Variants in DCST2 observed in about 807,000 individuals in gnomAD.
The protein encoded by DCST2 is DC-STAMP domain-containing protein 2.
Under a neutral mutation model 81.8 loss-of-function variants are expected in DCST2, and 64 were observed. That is an observed-to-expected ratio of 0.78 (90% confidence interval 0.64 to 0.96). DCST2 has a LOEUF of 0.96. Among genes scored for constraint, DCST2 ranks in the 40% least tolerant of loss-of-function variants. The pLI is 0.00. For synonymous variants in DCST2, 354 were observed against 402.6 expected (o/e 0.88, Z 1.44); for missense variants, 945 against 1,001.4 (o/e 0.94, Z 0.76).
In DCST2 at chr1:155,033,612, A is replaced by C. The variant is rs142520132; in HGVS notation, c.90T>G (p.Phe30Leu). 30 of 1,614,074 alleles carry C rather than the reference A, an allele frequency of 1.9e-5. No homozygotes were observed. Among genetic ancestry groups the C allele is most frequent in the Non-Finnish European group, 2.5e-5 (30 of 1,180,028 alleles). The change falls in exon 1 of 15, where the codon TTT (phenylalanine) becomes TTG (leucine). Residue 30 changes from phenylalanine (F) to leucine (L), a missense_variant. Physicochemically the swap from Phe to Leu is conservative, Grantham distance 22 (BLOSUM62 0). Coordinates refer to ENST00000368424, the MANE Select transcript of DCST2 (RefSeq NM_144622.3). ...CCGTGGCTAAAGACAAGCCCAGGGT[A>C]AAACCTCCCACGCTGCGAACCACAG... The part of the protein sequence containing the change: ...ARAVVRSVGG[F>L]TLGLSLATAY...
At position 155,032,659 on chromosome 1, in the gene DCST2, G is replaced by A. The variant is rs1660132394; in HGVS notation, c.541+8C>T. 6.2e-7 allele frequency: 1 copy of A among 1,613,060 alleles called. No homozygotes were observed. Among genetic ancestry groups the A allele is most frequent in the Non-Finnish European group, 8.5e-7 (1 of 1,179,334 alleles). On this transcript the variant is annotated splice_region_variant and intron_variant, in intron 3 of 14. Coordinates refer to ENST00000368424, the MANE Select transcript of DCST2 (RefSeq NM_144622.3). ...GAGTCCCCGGGATAGACATGCTAATGTGCTTACCTATGTGTTTCACACCAT... is the reference window on the plus strand; with the variant it reads ...GAGTCCCCGGGATAGACATGCTAATATGCTTACCTATGTGTTTCACACCAT...
intron 14 of DCST2, among the ~76,000 whole-genome samples, chr1:155,021,725 C>T (rs1659762609): frequency 6.6e-6 from 1 of 151,994 alleles, no homozygotes; most frequent in Non-Finnish European, 1.5e-5. Context: ...AACACCTGCC[C>T]AGGCCCAAGC....
At chr1:155,031,335 T>A in intron 4 of DCST2, 101 bp from the exon 5 acceptor site, 1 of 1,273,542 alleles carries the variant, frequency 7.9e-7, no homozygotes, top group Non-Finnish European at 1.1e-6. Flanking sequence ...TCGATTTTCC[T>A]ATTGGCCTCC....
At position 155,021,100 on chromosome 1, in the gene DCST2, A is replaced by G. The variant is rs560219807; in HGVS notation, c.2105+2017T>C. On this transcript the variant is annotated intron_variant, in intron 14 of 14. Coordinates refer to ENST00000368424, the MANE Select transcript of DCST2 (RefSeq NM_144622.3). Reference sequence around the variant, plus strand: ...CTGCAACCTCCACCTCCCAGGTTCAATCAATTCTCCTGCCTTAGCCTCCTG... The same window carrying G: ...CTGCAACCTCCACCTCCCAGGTTCAGTCAATTCTCCTGCCTTAGCCTCCTG... Among the ~76,000 whole-genome samples the G allele has an allele frequency of 3.9e-5, 6 of 152,074 alleles. No homozygotes were observed. In the East Asian group the frequency reaches 9.6e-4, roughly 24 times the overall value.
chr1:155,030,575 A>G lies in DCST2; in HGVS notation c.876T>C (p.Ser292=), dbSNP rs1469468484. 1.9e-6 allele frequency: 3 copies of G among 1,614,150 alleles called. No homozygotes were observed. The highest frequency in any genetic ancestry group is 1.3e-5 in the African/African-American group (1 of 75,042). ...EFNMTATHHF[S]VDLNASRSLS... The stretch of plus-strand genomic sequence containing the variant: ...GGCTCCGAGAGGCATTGAGATCCAC[A>G]GAGAAGTGGTGGGTGGCTGTCATGT... Residue 292 remains serine (S), a synonymous_variant, in exon 6 of 15, where the codon TCT becomes TCC. Transcript: ENST00000368424.
chr1:155,026,198 TG>T, intron 10 of DCST2, 103 bp downstream of exon 10: 1 of 1,044,188 alleles, frequency 9.6e-7, no homozygotes, highest in Non-Finnish European at 1.4e-6. Context: ...GAGAGCGGGC[TG>T]GGGCTGCTGA....
At chr1:155,023,559 G>A in intron 12 of DCST2, 102 bp from the exon 13 acceptor site, 1 of 1,547,866 alleles carries the variant, frequency 6.5e-7, no homozygotes, top group South Asian at 1.2e-5. Flanking sequence ...AGACCTGGAT[G>A]AACCATCCTT....
rs755780982 is a variant in DCST2, at chr1:155,029,322, A to G, written c.1253T>C (p.Leu418Pro). ...GTCTAGGAAGACTAGGAACAGCACG[A>G]GGAGGAGGTGTCGGATAAGGTTGAA... Reference protein sequence around the residue: ...ETFNLIRHLLLVLFLVFLDYA... With the variant: ...ETFNLIRHLLPVLFLVFLDYA... Residue 418 changes from leucine (L) to proline (P), a missense_variant, in exon 8 of 15, where the codon CTC becomes CCC. Leu to Pro is a moderately conservative substitution (Grantham distance 98). Transcript: ENST00000368424. 6.2e-7 allele frequency: 1 copy of G among 1,614,114 alleles called. No homozygotes were observed. The highest frequency in any genetic ancestry group is 8.5e-7 in the Non-Finnish European group (1 of 1,180,008).
At chr1:155,025,628 C>T (rs1216946656) in intron 10 of DCST2, among the ~76,000 whole-genome samples, 3 of 152,014 alleles carry the variant, frequency 2.0e-5, no homozygotes, top group East Asian at 1.9e-4. Context: ...AACCCAGCCC[C>T]GATGGTGAGT....
chr1:155,021,565 T>G (rs1659757192), intron 14 of DCST2, among the ~76,000 whole-genome samples: 2 of 60,424 alleles, frequency 3.3e-5, no homozygotes, highest in Non-Finnish European at 5.9e-5. Context: ...AGTCTCTAAC[T>G]TAACCCCCCA....
chr1:155,033,419 G>T lies in DCST2; in HGVS notation c.268+15C>A. ...GCCCCAGGACCTGCCCCCTAGCCCT[G>T]GGTGCCAAGCTCACTGGAGAAGGCC... On this transcript the variant is annotated intron_variant, in intron 1 of 14. Coordinates refer to ENST00000368424, the MANE Select transcript of DCST2 (RefSeq NM_144622.3). The T allele has an allele frequency of 6.2e-7, 1 of 1,609,894 alleles. No homozygotes were observed. The highest frequency in any genetic ancestry group is 8.5e-7 in the Non-Finnish European group (1 of 1,177,020).
Position 155,026,963 on chromosome 1 carries a change from T to C in DCST2, c.1343-248A>G, listed in dbSNP as rs571251513. Among the ~76,000 whole-genome samples the C allele has an allele frequency of 5.9e-5, 9 of 152,218 alleles. No individual in the cohort carries two copies. The East Asian group carries it at 1.2e-3, about 20-fold the overall frequency. ...TGGTCTTCCTATCCAAGCCACCATA[T>C]CTAAGATGACCTTAATGGTCAGTGA... On this transcript the variant is annotated intron_variant, in intron 8 of 14. Transcript: ENST00000368424.
rs1003593531 is a variant in DCST2 at position 155,030,754 on chromosome 1, G to T, written c.806-109C>A. ...CCCAGGGGGCGCAGCTTACAGACCA[G>T]CTGGGAACCCCCCAGTGCTTGGGTC... On this transcript the variant is annotated intron_variant, in intron 5 of 14. Coordinates refer to ENST00000368424, the MANE Select transcript of DCST2 (RefSeq NM_144622.3). The T allele has an allele frequency of 6.7e-6, 8 of 1,198,420 alleles. No homozygotes were observed. The African/African-American group carries it at 1.1e-4, about 16-fold the overall frequency. The allele number at this position is 1,198,420 out of a possible 1,614,324, so 74.2% of individuals were successfully genotyped here. A position where few individuals can be genotyped will look rare whatever the true frequency, so the allele number is the denominator to read the frequency against.
intron 12 of DCST2, 131 bp downstream of exon 12, chr1:155,023,701 C>T (rs1659817966): frequency 6.4e-7 from 1 of 1,570,148 alleles, no homozygotes; most frequent in Non-Finnish European, 8.6e-7. Context: ...TGAGAACGTG[C>T]ATAGTAATGA....
chr1:155,023,602 TG>T, intron 12 of DCST2, 145 bp from the exon 13 acceptor site: 1 of 1,546,228 alleles, frequency 6.5e-7, no homozygotes, highest in Non-Finnish European at 8.7e-7. Flanking sequence ...GCTGCTGCAA[TG>T]CCACTTGCAT....
intron 14 of DCST2, 57 bp from the exon 15 acceptor site, chr1:155,018,817 A>C: frequency 6.5e-7 from 1 of 1,533,036 alleles, no homozygotes; most frequent in Non-Finnish European, 8.9e-7. Context: ...TCACAGGTGC[A>C]TCCCTGCCCC....
chr1:155,023,812 C>T lies in DCST2; in HGVS notation c.1870+20G>A. 6.2e-7 allele frequency: 1 copy of T among 1,612,274 alleles called. No homozygotes were observed. Among genetic ancestry groups the T allele is most frequent in the Non-Finnish European group, 8.5e-7 (1 of 1,179,190 alleles). On this transcript the variant is annotated intron_variant, in intron 12 of 14. Transcript: ENST00000368424. ...GGGTAAGTCCGAGCAGGGAGAGGCACACGCCCCAGGGGGTCTCACCTTGGC... is the reference window on the plus strand; with the variant it reads ...GGGTAAGTCCGAGCAGGGAGAGGCATACGCCCCAGGGGGTCTCACCTTGGC...
rs1370414221 is a variant in DCST2, at chr1:155,018,554, G to A, written c.2312C>T (p.Pro771Leu). Residue 771 changes from proline (P) to leucine (L), a missense_variant, in exon 15 of 15, where the codon CCC becomes CTC. By Grantham distance (98) the Pro-to-Leu change is moderately conservative. Coordinates refer to ENST00000368424, the MANE Select transcript of DCST2 (RefSeq NM_144622.3). ...PPSLPDPSHP[P>L]PK ...GTGTCCACTTTTGGTTTATTTGGGG[G>A]GTGGGTGGGAAGGATCAGGAAGAGA... 6.2e-7 allele frequency: 1 copy of A among 1,612,476 alleles called. No homozygotes were observed. The highest frequency in any genetic ancestry group is 8.5e-7 in the Non-Finnish European group (1 of 1,178,936).
rs766308752 is a variant in DCST2, at chr1:155,030,482, C to T, written c.969G>A (p.Leu323=). 6.2e-7 allele frequency: 1 copy of T among 1,614,082 alleles called. No homozygotes were observed. The highest frequency in any genetic ancestry group is 1.1e-5 in the South Asian group (1 of 91,082). The change falls in exon 6 of 15, where the codon CTG becomes CTA. Residue 323 remains leucine (L), a synonymous_variant. Transcript: ENST00000368424. ...SMKLHRVREA[L]ALMGFTTPLL... ...GAGGCGTGGTGAAGCCCATCAGAGC[C>T]AGGGCCTCTCGGACACGGTGCAGCT...
Sources: allele counts gnomAD v4.1 joint callset (sites outside exome capture counted in the v4.1 genomes callset), GRCh38; gene constraint gnomAD v4.1.1; transcripts MANE v1.5; gene names NCBI Gene and HGNC (gene_info 2026-07-23, HGNC 2026-07-21).